Variants in PHKB observed in about 807,000 individuals in gnomAD.
The protein encoded by PHKB is phosphorylase kinase regulatory subunit beta.
PHKB carries 122 observed loss-of-function variants against 152.1 expected under a neutral mutation model. That is an observed-to-expected ratio of 0.80 (90% confidence interval 0.69 to 0.93). PHKB has a LOEUF of 0.93. Among genes scored for constraint, PHKB ranks in the 40% least tolerant of loss-of-function variants. The pLI, the probability that PHKB is intolerant of heterozygous loss-of-function variation, is 0.00. For missense variants in PHKB, 1,304 were observed against 1,328.4 expected, an observed-to-expected ratio of 0.98 and a Z score of 0.29; for synonymous variants, 436 against 464.9, an observed-to-expected ratio of 0.94 and a Z score of 0.80.
chr16:47,489,684 G>C (rs1161711283), intron 1 of PHKB, among the ~76,000 whole-genome samples: 1 of 152,182 alleles, frequency 6.6e-6, no homozygotes, highest in African/African-American at 2.4e-5. Context: ...CTGACCATGG[G>C]TTAGGAGCAC....
chr16:47,521,533 T>C (rs1317580789), intron 6 of PHKB, among the ~76,000 whole-genome samples: 2 of 152,118 alleles, frequency 1.3e-5, no homozygotes, highest in East Asian at 1.9e-4. Flanking sequence ...CGTACACCTG[T>C]AATCCCAGCT....
At chr16:47,633,751 G>A (rs1972867713) in intron 14 of PHKB, among the ~76,000 whole-genome samples, 1 of 152,218 alleles carries the variant, frequency 6.6e-6, no homozygotes, top group African/African-American at 2.4e-5. Context: ...ACAGGGAACA[G>A]CAGGTAGTCC....
chr16:47,678,968 A>C (rs1052108404), intron 26 of PHKB, among the ~76,000 whole-genome samples: 4 of 152,056 alleles, frequency 2.6e-5, no homozygotes, highest in South Asian at 2.1e-4. Context: ...GGAAGGCATC[A>C]AGTTTCAGCT....
At chr16:47,549,457 A>T (rs1162154050) in intron 7 of PHKB, among the ~76,000 whole-genome samples, 1 of 152,194 alleles carries the variant, frequency 6.6e-6, no homozygotes, top group Admixed American at 6.5e-5. Flanking sequence ...TGGGAGGCCG[A>T]GGCGGGCAGA....
intron 7 of PHKB, among the ~76,000 whole-genome samples, chr16:47,557,597 A>C (rs1971398669): frequency 6.6e-6 from 1 of 152,256 alleles, no homozygotes; most frequent in African/African-American, 2.4e-5. Flanking sequence ...ACTTCTCAAA[A>C]GAAGACATTT....
chr16:47,550,096 A>G (rs921000780), intron 7 of PHKB, among the ~76,000 whole-genome samples: 1 of 152,200 alleles, frequency 6.6e-6, no homozygotes, highest in Admixed American at 6.5e-5. Context: ...TTTTTATTTG[A>G]AAGTTTCCAA....
At chr16:47,582,788 CTTCTTTCT>C (rs762024594) in intron 8 of PHKB, among the ~76,000 whole-genome samples, 88 of 151,952 alleles carry the variant, frequency 5.8e-4, no homozygotes, top group Non-Finnish European at 1.1e-3. Context: ...CAGATAATGT[CTTCTTTCT>C]TTCTTTCTTT....
intron 14 of PHKB, among the ~76,000 whole-genome samples, chr16:47,631,585 C>T (rs1368465369): frequency 1.3e-5 from 2 of 152,130 alleles, no homozygotes; most frequent in African/African-American, 4.8e-5. Context: ...CCTATCAACC[C>T]GTCATCTACA....
At chr16:47,599,596 G>A (rs1003073745) in intron 13 of PHKB, among the ~76,000 whole-genome samples, 2 of 152,190 alleles carry the variant, frequency 1.3e-5, no homozygotes, top group Non-Finnish European at 2.9e-5. Context: ...AACAGAAGTA[G>A]TACAGGTCAT....
chr16:47,464,074 T>A, intron 1 of PHKB: 3 of 922,164 alleles, frequency 3.3e-6, no homozygotes, highest in Non-Finnish European at 5.4e-6. Flanking sequence ...CTATAAGATA[T>A]CATTATGTCT....
chr16:47,545,785 G>A (rs750121494), intron 6 of PHKB, among the ~76,000 whole-genome samples: 18 of 152,038 alleles, frequency 1.2e-4, no homozygotes, highest in Admixed American at 5.9e-4. Context: ...GGCCTTGTTC[G>A]TTTCTTTTTA....
intron 14 of PHKB, among the ~76,000 whole-genome samples, chr16:47,629,738 G>A (rs748298555): frequency 1.2e-4 from 19 of 152,098 alleles, no homozygotes; most frequent in African/African-American, 1.7e-4. Flanking sequence ...TGTTTATTGC[G>A]GCATTATTCA....
rs1256085449 is a variant in PHKB at position 47,629,358 on chromosome 16, G to T, written c.1459-11677G>T. On this transcript the variant is annotated intron_variant, in intron 14 of 30. Transcript: ENST00000323584. ...AACAAACAACCCCATCAAAAAGTGG[G>T]CGAAGGACATGAACAGACACTTCTC... 3.9e-5 allele frequency among the ~76,000 whole-genome samples: 6 copies of T among 151,994 alleles called. No homozygotes were observed. In the East Asian group the frequency reaches 9.7e-4, roughly 24 times the overall value.
chr16:47,523,347 T>C (rs1359505768), intron 6 of PHKB, among the ~76,000 whole-genome samples: 2 of 152,244 alleles, frequency 1.3e-5, no homozygotes, highest in East Asian at 3.9e-4. Context: ...GAAAATTTTC[T>C]GTGAATTATG....
At chr16:47,658,960 T>G (rs553709547) in intron 20 of PHKB, among the ~76,000 whole-genome samples, 1 of 152,304 alleles carries the variant, frequency 6.6e-6, no homozygotes, top group African/African-American at 2.4e-5. Flanking sequence ...ACATAGTACC[T>G]AGTAGGCCTT....
intron 7 of PHKB, among the ~76,000 whole-genome samples, chr16:47,560,234 C>T (rs953907436): frequency 2.6e-5 from 4 of 152,176 alleles, no homozygotes; most frequent in African/African-American, 9.7e-5. Context: ...CTTGTTCCCT[C>T]ATCTTAAAAG....
At chr16:47,500,687 A>C (rs1970310173) in intron 3 of PHKB, among the ~76,000 whole-genome samples, 1 of 152,054 alleles carries the variant, frequency 6.6e-6, no homozygotes, top group African/African-American at 2.4e-5. Flanking sequence ...TAAGTGAAAT[A>C]ATTGTATAAA....
intron 8 of PHKB, among the ~76,000 whole-genome samples, chr16:47,583,551 G>A (rs942437086): frequency 6.7e-6 from 1 of 150,090 alleles, no homozygotes; most frequent in South Asian, 2.1e-4. Context: ...AGACCTGATC[G>A]TGTGTCTTTA....
In PHKB at chr16:47,660,486, C is replaced by CT. The variant is rs763928758; in HGVS notation, c.1972-15dup. ...CTTGATGTATCTAAGAGTTTCTAAT[C>CT]TTTTTCGATCACGTTTCAGACACTA... On this transcript the variant is annotated intron_variant, in intron 20 of 30. Transcript: ENST00000323584. 3 of 1,604,950 alleles carry CT rather than the reference C, an allele frequency of 1.9e-6. No individual in the cohort carries two copies. In the South Asian group the frequency reaches 3.3e-5, roughly 18 times the overall value.
Sources: gnomAD v4.1 joint callset for allele counts (sites outside exome capture counted in the v4.1 genomes callset) on GRCh38, gnomAD v4.1.1 for gene constraint, MANE v1.5 for transcripts, NCBI Gene and HGNC (gene_info 2026-07-23, HGNC 2026-07-21) for gene names.